The following SVEP1 variants were observed in gnomAD, a reference collection of about 807,000 sequenced individuals.
SVEP1 encodes sushi, von Willebrand factor type A, EGF and pentraxin domain containing 1.
SVEP1 carries 164 observed loss-of-function variants against 367.3 expected under a neutral mutation model. The ratio of observed to expected loss-of-function variants is 0.45; its 90% CI spans 0.39 to 0.51. The LOEUF is 0.51. SVEP1 is among the 20% of genes least tolerant of loss of function. SVEP1 has a pLI of 0.00. For synonymous variants in SVEP1, 1,666 were observed against 1,611.6 expected (o/e 1.03, Z -0.81); for missense variants, 4,117 against 4,425.3 (o/e 0.93, Z 1.98).
At chr9:110,518,392 A>T (rs186404383) in intron 3 of SVEP1, among the ~76,000 whole-genome samples, 29 of 152,092 alleles carry the variant, frequency 1.9e-4, no homozygotes, top group African/African-American at 7.0e-4. Flanking sequence ...ATTGCACTCC[A>T]GCCTGGGTGA....
At chr9:110,442,010 A>G (rs1192784977) in intron 27 of SVEP1, among the ~76,000 whole-genome samples, 6 of 152,078 alleles carry the variant, frequency 3.9e-5, no homozygotes, top group Admixed American at 6.6e-5. Context: ...TTCAGCCTGC[A>G]TTTCAGATAC....
chr9:110,424,671 A>AT (rs1828225648), intron 36 of SVEP1, among the ~76,000 whole-genome samples: 1 of 152,048 alleles, frequency 6.6e-6, no homozygotes, highest in Non-Finnish European at 1.5e-5. Flanking sequence ...ATTTTTTGGC[A>AT]TTTTTGTTTT....
At chr9:110,417,017 T>A (rs1452747618) in intron 36 of SVEP1, among the ~76,000 whole-genome samples, 1 of 152,004 alleles carries the variant, frequency 6.6e-6, no homozygotes, top group Non-Finnish European at 1.5e-5. Context: ...ATCACTAAAT[T>A]AGACTCATAA....
rs765423327 is a variant in SVEP1 at position 110,429,160 on chromosome 9, T to C, written c.5790A>G (p.Ser1930=). 8.8e-6 allele frequency: 14 copies of C among 1,594,900 alleles called. No individual in the cohort carries two copies. The highest frequency in any genetic ancestry group is 1.1e-5 in the Non-Finnish European group (13 of 1,170,222). ...GLTYLSTASY[S]CDTGYSLQGP... ...AATGTTACCTGTATCCTGTATCGCATGAATATGATGCAGTAGAAAGGTAGG... is the reference window on the plus strand; with the variant it reads ...AATGTTACCTGTATCCTGTATCGCACGAATATGATGCAGTAGAAAGGTAGG... The change falls in exon 35 of 48, where the codon TCA becomes TCG. Residue 1930 remains serine (S), a synonymous_variant. Coordinates refer to ENST00000374469, the MANE Select transcript of SVEP1 (RefSeq NM_153366.4).
chr9:110,579,292 A>C lies in SVEP1; in HGVS notation c.252T>G (p.Leu84=). The part of the protein sequence containing the change: ...LLRELSERLE[L]VFLVDDSSSV... ...TGGACGAATCATCCACCAGGAAGAC[A>C]AGCTCCAGGCGCTCGCTGAGCTCCC... Residue 84 remains leucine (L), a synonymous_variant, in exon 1 of 48, where the codon CTT becomes CTG. Transcript: ENST00000374469. This position sits in a 1 kb window ranked among gnomAD's most constrained non-coding sequence, Gnocchi z 5.3. 5 of 1,571,066 alleles carry C rather than the reference A, an allele frequency of 3.2e-6. No homozygotes were observed. Among genetic ancestry groups the C allele is most frequent in the Non-Finnish European group, 4.3e-6 (5 of 1,159,732 alleles).
intron 47 of SVEP1, 74 bp downstream of exon 47, chr9:110,369,849 T>C (rs1827250422): frequency 8.0e-7 from 1 of 1,242,762 alleles, no homozygotes; most frequent in South Asian, 1.4e-5. Context: ...AGATAACTTC[T>C]GGCTCTTAGG....
At chr9:110,534,507 G>A (rs1830057309) in intron 3 of SVEP1, among the ~76,000 whole-genome samples, 2 of 152,144 alleles carry the variant, frequency 1.3e-5, no homozygotes, top group African/African-American at 4.8e-5. Context: ...GTGTCTTTAT[G>A]GTAGACTGAT....
rs1442584429 is a variant in SVEP1, at chr9:110,579,003, G to A, written c.531+10C>T. On this transcript the variant is annotated intron_variant, in intron 1 of 47. Coordinates refer to ENST00000374469, the MANE Select transcript of SVEP1 (RefSeq NM_153366.4). The surrounding 1 kb of genome is among the most constrained non-coding windows in gnomAD (Gnocchi z 5.3). The stretch of plus-strand genomic sequence containing the variant: ...ACTAGGGCCCGGGTCGGGAGGGGCG[G>A]GCGCCTTACCGCGGCTTGCTGGAAG... 2.6e-6 allele frequency: 4 copies of A among 1,542,532 alleles called. No homozygotes were observed. The highest frequency in any genetic ancestry group is 2.2e-4 in the Middle Eastern group (1 of 4,470).
At chr9:110,452,644 G>A (rs1828710065) in intron 22 of SVEP1, among the ~76,000 whole-genome samples, 1 of 152,190 alleles carries the variant, frequency 6.6e-6, no homozygotes, top group African/African-American at 2.4e-5. Context: ...AATATAAGCT[G>A]AGAGAAATTT....
chr9:110,521,093 C>T (rs1889329), intron 3 of SVEP1, among the ~76,000 whole-genome samples: 39,583 of 152,138 alleles, frequency 0.26, 5,312 homozygotes, highest in Middle Eastern at 0.46. Context: ...CATAGGAATA[C>T]ACTGCTCTAG....
chr9:110,540,443 T>TA (rs1032331036), intron 3 of SVEP1, among the ~76,000 whole-genome samples: 2 of 152,036 alleles, frequency 1.3e-5, no homozygotes, highest in Non-Finnish European at 2.9e-5. Flanking sequence ...TAGGGTTTTT[T>TA]AAAAAAACAA....
Position 110,454,847 on chromosome 9 carries a change from T to G in SVEP1, c.3787+743A>C, listed in dbSNP as rs187198833. Among the ~76,000 whole-genome samples the G allele has an allele frequency of 3.9e-5, 6 of 152,286 alleles. No homozygotes were observed. The East Asian group carries it at 1.2e-3, about 29-fold the overall frequency. ...TGGTGTGGGCTGCAAAACTACATAT[T>G]AGGTACTATTCTCACTACCTGGGTG... On this transcript the variant is annotated intron_variant, in intron 22 of 47. Transcript: ENST00000374469.
chr9:110,386,080 A>G lies in SVEP1; in HGVS notation c.10061-6T>C. On this transcript the variant is annotated splice_region_variant and splice_polypyrimidine_tract_variant and intron_variant, in intron 42 of 47. Transcript: ENST00000374469. ...AGGAACAGGGCATGGATTTGCTGTC[A>G]AAAAGAAAAGAAAATGCTTACTGAT... The G allele has an allele frequency of 1.2e-6, 2 of 1,602,138 alleles. No homozygotes were observed. Among genetic ancestry groups the G allele is most frequent in the Non-Finnish European group, 1.7e-6 (2 of 1,175,122 alleles).
At chr9:110,552,219 A>G (rs142097125) in intron 1 of SVEP1, among the ~76,000 whole-genome samples, 204 of 151,710 alleles carry the variant, frequency 1.3e-3, no homozygotes, top group African/African-American at 4.7e-3. Context: ...TGTAGTAGAA[A>G]CAGGGTTTCA....
rs1830630457 is a variant in SVEP1, at chr9:110,576,595, GAATC to G, written c.531+2414_531+2417del. 2.0e-5 allele frequency among the ~76,000 whole-genome samples: 3 copies of G among 151,906 alleles called. No individual in the cohort carries two copies. The South Asian group carries it at 6.2e-4, about 32-fold the overall frequency. The stretch of plus-strand genomic sequence containing the variant: ...AAATATATATAAAAAGAGAAAAAAA[GAATC>G]AAAGAGACTTCAACAAGAATCCAAA... On this transcript the variant is annotated intron_variant, in intron 1 of 47. Coordinates refer to ENST00000374469, the MANE Select transcript of SVEP1 (RefSeq NM_153366.4).
intron 14 of SVEP1, among the ~76,000 whole-genome samples, chr9:110,472,942 G>A (rs1829044137): frequency 6.6e-6 from 1 of 152,174 alleles, no homozygotes; most frequent in African/African-American, 2.4e-5. Context: ...GCTTCTCGAT[G>A]TAGGCTGCTG....
chr9:110,489,590 A>C lies in SVEP1; in HGVS notation c.1930+60T>G, dbSNP rs965637725. ...GTCCTTCCCACGACACATGGGAATT[A>C]TGGGAGCCACAGTTCAAGATGACGT... On this transcript the variant is annotated intron_variant, in intron 9 of 47. Coordinates refer to ENST00000374469, the MANE Select transcript of SVEP1 (RefSeq NM_153366.4). 7 of 1,525,802 alleles carry C rather than the reference A, an allele frequency of 4.6e-6. No individual in the cohort carries two copies. In the Admixed American group the frequency reaches 5.9e-5, roughly 13 times the overall value. The allele number at this position is 1,525,802 out of a possible 1,614,324, so 94.5% of individuals were successfully genotyped here. A position where few individuals can be genotyped will look rare whatever the true frequency, so the allele number is the denominator to read the frequency against.
At chr9:110,481,020 C>T (rs937619689) in intron 12 of SVEP1, among the ~76,000 whole-genome samples, 1 of 152,068 alleles carries the variant, frequency 6.6e-6, no homozygotes, top group Admixed American at 6.6e-5. Flanking sequence ...GATGGTTCTG[C>T]CTTAAACTGA....
chr9:110,451,233 ATTTGTGGTGGTTTACAAGAT>A, intron 23 of SVEP1, 36 bp downstream of exon 23: 1 of 1,379,628 alleles, frequency 7.2e-7, no homozygotes, highest in Non-Finnish European at 1.0e-6. Context: ...AAATGTACTA[ATTTGTGGTGGTTTACAAGAT>A]TTTAAGACAA....
Sources: gnomAD v4.1 joint callset for allele counts (sites outside exome capture counted in the v4.1 genomes callset) on GRCh38, gnomAD v4.1.1 for gene constraint, Gnocchi (gnomAD v3.1) non-coding constraint, MANE v1.5 for transcripts, NCBI Gene and HGNC (gene_info 2026-07-23, HGNC 2026-07-21) for gene names.